SKAP1: variants seen among roughly 807,000 people sequenced by gnomAD.
The protein encoded by SKAP1 is src kinase-associated phosphoprotein 1.
In SKAP1, 44 loss-of-function variants were observed where a neutral mutation model predicts 58.5. The ratio of observed to expected loss-of-function variants is 0.75; its 90% confidence interval spans 0.59 to 0.97. The LOEUF (loss-of-function observed/expected upper bound fraction) is 0.97, where lower values mean the gene tolerates loss of function less well. SKAP1 is among the 50% of genes least tolerant of loss of function. The pLI, the probability that SKAP1 is intolerant of heterozygous loss-of-function variation, is 0.00. For missense variants in SKAP1, 390 were observed against 435.2 expected (o/e 0.90, Z 0.92); for synonymous variants, 127 against 149.7 (o/e 0.85, Z 1.11).
intron 4 of SKAP1, among the ~76,000 whole-genome samples, chr17:48,203,468 G>T (rs2064755142): frequency 6.6e-6 from 1 of 152,228 alleles, no homozygotes; most frequent in South Asian, 2.1e-4. Context: ...GACAAAAGCA[G>T]AATAGCTCTT....
intron 4 of SKAP1, among the ~76,000 whole-genome samples, chr17:48,249,430 T>C (rs2065335578): frequency 6.6e-6 from 1 of 152,146 alleles, no homozygotes; most frequent in Non-Finnish European, 1.5e-5. Context: ...TTTCAGCACT[T>C]TGGGAGCTGA....
intron 4 of SKAP1, among the ~76,000 whole-genome samples, chr17:48,241,345 T>C (rs1406168375): frequency 6.6e-6 from 1 of 152,140 alleles, no homozygotes. Context: ...TTTACTCCTC[T>C]GTGTGCATGT....
intron 2 of SKAP1, among the ~76,000 whole-genome samples, chr17:48,374,776 G>C (rs1183380939): frequency 6.6e-6 from 1 of 152,210 alleles, no homozygotes; most frequent in Non-Finnish European, 1.5e-5. Flanking sequence ...AGAAGGTATG[G>C]ACTAGTGGCA....
chr17:48,333,747 G>C (rs2066533507), intron 4 of SKAP1, among the ~76,000 whole-genome samples: 1 of 151,944 alleles, frequency 6.6e-6, no homozygotes. Context: ...TCCCTGTTTA[G>C]CTCCTTCTAA....
At chr17:48,329,475 C>A (rs762249363) in intron 4 of SKAP1, among the ~76,000 whole-genome samples, 2 of 152,112 alleles carry the variant, frequency 1.3e-5, no homozygotes, top group African/African-American at 4.8e-5. Flanking sequence ...GAGGCCAAGG[C>A]GGGAGGATCA....
intron 2 of SKAP1, among the ~76,000 whole-genome samples, chr17:48,391,226 A>T (rs1489796365): frequency 1.3e-5 from 2 of 152,352 alleles, no homozygotes; most frequent in Non-Finnish European, 2.9e-5. Context: ...ACATTAAAAA[A>T]TGTTATTTAA....
intron 4 of SKAP1, among the ~76,000 whole-genome samples, chr17:48,251,305 G>A (rs8081754): frequency 0.19 from 29,567 of 152,104 alleles, 2,928 homozygotes; most frequent in Admixed American, 0.21. Context: ...AAGACTGTTG[G>A]TTAAAACCAA....
chr17:48,168,690 C>A (rs1270120693), intron 10 of SKAP1, among the ~76,000 whole-genome samples: 1 of 151,950 alleles, frequency 6.6e-6, no homozygotes, highest in Non-Finnish European at 1.5e-5. Flanking sequence ...AAACACACAC[C>A]TGAGAAAAAC....
chr17:48,142,046 G>A (rs996870537), intron 11 of SKAP1, among the ~76,000 whole-genome samples: 1 of 152,202 alleles, frequency 6.6e-6, no homozygotes. Flanking sequence ...CTATCTGCCT[G>A]TCTTTGTCTC....
chr17:48,183,742 T>C (rs780493432), intron 7 of SKAP1, among the ~76,000 whole-genome samples: 1 of 152,088 alleles, frequency 6.6e-6, no homozygotes, highest in Admixed American at 6.5e-5. Context: ...AAAGACTCTA[T>C]AGAAAAGTTT....
At chr17:48,257,413 A>C (rs922339420) in intron 4 of SKAP1, among the ~76,000 whole-genome samples, 3 of 152,084 alleles carry the variant, frequency 2.0e-5, no homozygotes, top group Non-Finnish European at 4.4e-5. Flanking sequence ...GTGTGAAGGT[A>C]TTATAATTAT....
chr17:48,242,081 T>G (rs1329109052), intron 4 of SKAP1, among the ~76,000 whole-genome samples: 1 of 152,234 alleles, frequency 6.6e-6, no homozygotes, highest in Non-Finnish European at 1.5e-5. Context: ...ATTTTCTTAT[T>G]ATTTTTCTCT....
chr17:48,279,288 A>G (rs140585475), intron 4 of SKAP1, among the ~76,000 whole-genome samples: 281 of 152,332 alleles, frequency 1.8e-3, no homozygotes, highest in African/African-American at 6.6e-3. Context: ...CAGGTGAAAG[A>G]AAATGTGTAA....
At chr17:48,260,894 C>T (rs1455045930) in intron 4 of SKAP1, among the ~76,000 whole-genome samples, 3 of 152,056 alleles carry the variant, frequency 2.0e-5, no homozygotes, top group Non-Finnish European at 4.4e-5. Context: ...AAAACAAATG[C>T]CACGTTCTTA....
intron 1 of SKAP1, among the ~76,000 whole-genome samples, chr17:48,405,740 C>T (rs945856285): frequency 6.6e-6 from 1 of 151,478 alleles, no homozygotes; most frequent in African/African-American, 2.4e-5. Flanking sequence ...TCAGGTTATC[C>T]GTCCGTCTCG....
At chr17:48,362,371 C>G (rs1002499484) in intron 3 of SKAP1, among the ~76,000 whole-genome samples, 1 of 152,232 alleles carries the variant, frequency 6.6e-6, no homozygotes, top group South Asian at 2.1e-4. Flanking sequence ...CTTTATTTCT[C>G]CTTTAGGTAA....
chr17:48,319,868 C>T (rs1404099228), intron 4 of SKAP1, among the ~76,000 whole-genome samples: 2 of 152,056 alleles, frequency 1.3e-5, no homozygotes, highest in East Asian at 3.9e-4. Context: ...AACAAACAAA[C>T]AAATAAATGA....
At chr17:48,284,826 GT>G (rs1173554967) in intron 4 of SKAP1, among the ~76,000 whole-genome samples, 1 of 152,140 alleles carries the variant, frequency 6.6e-6, no homozygotes, top group Non-Finnish European at 1.5e-5. Flanking sequence ...GACATACATG[GT>G]AAGACTGAAA....
At chr17:48,382,809 A>G (rs12453784) in intron 2 of SKAP1, among the ~76,000 whole-genome samples, 5,204 of 152,334 alleles carry the variant, frequency 0.034, 203 homozygotes, top group Admixed American at 0.12. Flanking sequence ...ACATGACTGA[A>G]CAACCAAAAG....
Sources: gnomAD v4.1 joint callset for allele counts (sites outside exome capture counted in the v4.1 genomes callset) on GRCh38, gnomAD v4.1.1 for gene constraint, MANE v1.5 for transcripts, NCBI Gene and HGNC (gene_info 2026-07-23, HGNC 2026-07-21) for gene names.